Variants in PCDH15 observed in about 807,000 individuals in gnomAD.
PCDH15 encodes protocadherin related 15.
In PCDH15, 129 loss-of-function variants were observed where a neutral mutation model predicts 178.5. The ratio of observed to expected loss-of-function variants is 0.72; its 90% CI spans 0.63 to 0.84. The LOEUF is 0.84. Ranked by LOEUF, PCDH15 falls within the 40% of genes least tolerant of loss-of-function variation. The pLI is 0.00. For synonymous variants in PCDH15, 800 were observed against 732.0 expected, an observed-to-expected ratio of 1.09 and a Z score of -1.50; for missense variants, 2,230 against 2,099.9, an observed-to-expected ratio of 1.06 and a Z score of -1.21.
chr10:54,779,516 A>G (rs542008793), intron 1 of PCDH15, among the ~76,000 whole-genome samples: 15 of 140,598 alleles, frequency 1.1e-4, no homozygotes, highest in Non-Finnish European at 1.9e-4. Context: ...ATATGTGTGT[A>G]TATATATATA....
intron 2 of PCDH15, among the ~76,000 whole-genome samples, chr10:55,110,021 A>T (rs2252986): frequency 0.12 from 17,801 of 151,358 alleles, 2,313 homozygotes; most frequent in African/African-American, 0.31. Context: ...GTATATATAT[A>T]TTATTTGTTG....
intron 25 of PCDH15, among the ~76,000 whole-genome samples, chr10:53,910,178 C>G (rs2082977897): frequency 1.3e-5 from 2 of 152,192 alleles, no homozygotes; most frequent in South Asian, 4.1e-4. Flanking sequence ...GGTATTTGAG[C>G]TCTGAGAACA....
chr10:54,749,867 G>C (rs909226842), intron 1 of PCDH15, among the ~76,000 whole-genome samples: 1 of 152,036 alleles, frequency 6.6e-6, no homozygotes, highest in African/African-American at 2.4e-5. Flanking sequence ...AAAGTTAAGA[G>C]CATAGACTCT....
At chr10:54,032,136 A>G (rs1332304967) in intron 18 of PCDH15, among the ~76,000 whole-genome samples, 2 of 151,680 alleles carry the variant, frequency 1.3e-5, no homozygotes, top group Non-Finnish European at 2.9e-5. Context: ...TATTCTTACC[A>G]CTAAATCTAA....
intron 2 of PCDH15, among the ~76,000 whole-genome samples, chr10:55,576,681 A>C (rs1466690637): frequency 6.6e-6 from 1 of 152,104 alleles, no homozygotes; most frequent in Non-Finnish European, 1.5e-5. Context: ...GATTAAATGA[A>C]TTTTGTAATA....
At chr10:54,487,956 C>T (rs1053900671) in intron 3 of PCDH15, among the ~76,000 whole-genome samples, 9 of 151,852 alleles carry the variant, frequency 5.9e-5, no homozygotes, top group African/African-American at 1.9e-4. Context: ...ATCAAGGTCA[C>T]GTGATCAAAG....
intron 21 of PCDH15, among the ~76,000 whole-genome samples, chr10:53,986,841 A>G (rs1164883376): frequency 6.6e-6 from 1 of 152,194 alleles, no homozygotes; most frequent in African/African-American, 2.4e-5. Context: ...GTAGCTGTTC[A>G]AGGGTTATAA....
intron 26 of PCDH15, among the ~76,000 whole-genome samples, chr10:53,877,599 C>G: frequency 6.6e-6 from 1 of 152,170 alleles, no homozygotes; most frequent in Non-Finnish European, 1.5e-5. Context: ...TAGGTTCAAT[C>G]AGTCCAAACC....
chr10:55,616,263 G>A (rs1843471987), intron 2 of PCDH15, among the ~76,000 whole-genome samples: 1 of 152,116 alleles, frequency 6.6e-6, no homozygotes, highest in Non-Finnish European at 1.5e-5. Flanking sequence ...ATCTAATTCA[G>A]CCTGATACCA....
At chr10:53,976,563 C>A (rs538713846) in intron 21 of PCDH15, among the ~76,000 whole-genome samples, 1 of 152,096 alleles carries the variant, frequency 6.6e-6, no homozygotes, top group Non-Finnish European at 1.5e-5. Context: ...TCTGCATATA[C>A]TCATCCACAA....
At chr10:55,288,435 T>C (rs1842928637) in intron 1 of PCDH15, among the ~76,000 whole-genome samples, 1 of 151,822 alleles carries the variant, frequency 6.6e-6, no homozygotes, top group South Asian at 2.1e-4. Flanking sequence ...GTACACAATG[T>C]GGTATTGCTA....
At chr10:54,036,241 A>G (rs2093413567) in intron 18 of PCDH15, among the ~76,000 whole-genome samples, 1 of 152,172 alleles carries the variant, frequency 6.6e-6, no homozygotes, top group African/African-American at 2.4e-5. Flanking sequence ...CGCTAAAAAA[A>G]CAGATTTCCA....
chr10:54,361,293 G>A (rs1589034282), intron 5 of PCDH15, among the ~76,000 whole-genome samples: 1 of 152,038 alleles, frequency 6.6e-6, no homozygotes, highest in Non-Finnish European at 1.5e-5. Flanking sequence ...CAACTGTAAA[G>A]TTTAATAAAA....
intron 1 of PCDH15, among the ~76,000 whole-genome samples, chr10:54,723,982 A>G (rs1942074063): frequency 6.6e-6 from 1 of 151,768 alleles, no homozygotes; most frequent in African/African-American, 2.4e-5. Flanking sequence ...CAGTATGTAG[A>G]TTTCTCAAAG....
intron 2 of PCDH15, among the ~76,000 whole-genome samples, chr10:54,544,016 C>T (rs2085556633): frequency 6.6e-6 from 1 of 152,136 alleles, no homozygotes; most frequent in Non-Finnish European, 1.5e-5. Flanking sequence ...TCTTTATTCT[C>T]AAAGAAAACA....
chr10:54,007,928 T>C (rs1295688783), intron 20 of PCDH15, among the ~76,000 whole-genome samples: 3 of 152,140 alleles, frequency 2.0e-5, no homozygotes, highest in African/African-American at 4.8e-5. Context: ...AGACCAAGTA[T>C]AGACAATTTG....
intron 2 of PCDH15, among the ~76,000 whole-genome samples, chr10:54,960,271 A>C (rs2131883257): frequency 6.6e-6 from 1 of 152,318 alleles, no homozygotes; most frequent in Admixed American, 6.5e-5. Context: ...CATATAATAT[A>C]GAAATAAAAA....
chr10:55,063,762 C>T (rs1468062950), intron 2 of PCDH15, among the ~76,000 whole-genome samples: 2 of 152,066 alleles, frequency 1.3e-5, no homozygotes, highest in African/African-American at 4.8e-5. Context: ...TCAAGCTCCC[C>T]ATAAAGCTGT....
At chr10:55,276,777 T>G (rs1430860931) in intron 1 of PCDH15, among the ~76,000 whole-genome samples, 4 of 151,822 alleles carry the variant, frequency 2.6e-5, no homozygotes, top group African/African-American at 9.7e-5. Flanking sequence ...ATTATTTCCT[T>G]AAATATATAA....
Sources: allele counts gnomAD v4.1 joint callset (sites outside exome capture counted in the v4.1 genomes callset), GRCh38; gene constraint gnomAD v4.1.1; transcripts MANE v1.5; gene names NCBI Gene and HGNC (gene_info 2026-07-23, HGNC 2026-07-21).